Variants in LPAR1 observed in about 807,000 individuals in gnomAD.
LPAR1 encodes the protein LPA receptor 1.
In LPAR1, 5 loss-of-function variants were observed where a neutral mutation model predicts 23.8. That is an observed-to-expected ratio of 0.21 (90% CI 0.11 to 0.44). LPAR1 has a LOEUF of 0.44. LPAR1 is among the 20% of genes least tolerant of loss of function. The pLI is 0.99. For synonymous variants in LPAR1, 160 were observed against 164.7 expected (o/e 0.97, Z 0.22); for missense variants, 311 against 482.8 (o/e 0.64, Z 3.33).
At chr9:110,999,656 A>G (rs1030029651) in intron 2 of LPAR1, among the ~76,000 whole-genome samples, 7 of 152,164 alleles carry the variant, frequency 4.6e-5, no homozygotes, top group Non-Finnish European at 2.9e-5. Context: ...GATCTTCTCA[A>G]TTTAGCCTCA....
At chr9:110,889,128 G>T (rs561482405) in intron 5 of LPAR1, among the ~76,000 whole-genome samples, 2 of 152,264 alleles carry the variant, frequency 1.3e-5, no homozygotes, top group Admixed American at 6.5e-5. Flanking sequence ...TTGGGAGGCC[G>T]AGGCGGGCAG....
chr9:110,931,830 G>T (rs1440711236), intron 5 of LPAR1, among the ~76,000 whole-genome samples: 2 of 152,242 alleles, frequency 1.3e-5, no homozygotes, highest in Non-Finnish European at 2.9e-5. Context: ...TCAGATGGTT[G>T]TAGATATGTG....
chr9:111,021,517 T>C (rs1315994793), intron 2 of LPAR1, among the ~76,000 whole-genome samples: 1 of 152,206 alleles, frequency 6.6e-6, no homozygotes, highest in Non-Finnish European at 1.5e-5. Context: ...AAATGTGGAA[T>C]ATATATAACT....
intron 5 of LPAR1, among the ~76,000 whole-genome samples, chr9:110,915,137 T>C (rs2092934328): frequency 1.3e-5 from 2 of 152,242 alleles, no homozygotes; most frequent in Admixed American, 6.5e-5. Context: ...AGTGTGCTTA[T>C]GATTCATAGT....
intron 2 of LPAR1, among the ~76,000 whole-genome samples, chr9:110,975,034 T>A (rs2096526051): frequency 6.6e-6 from 1 of 152,206 alleles, no homozygotes; most frequent in Non-Finnish European, 1.5e-5. Context: ...ATTCACATTA[T>A]CTTGCTCTAT....
intron 5 of LPAR1, among the ~76,000 whole-genome samples, chr9:110,884,452 A>T (rs2081795448): frequency 6.6e-6 from 1 of 152,174 alleles, no homozygotes; most frequent in Non-Finnish European, 1.5e-5. Flanking sequence ...CTGTCATCAG[A>T]CTATTTTTAC....
intron 4 of LPAR1, among the ~76,000 whole-genome samples, chr9:110,962,894 A>C (rs1222020582): frequency 6.6e-6 from 1 of 152,226 alleles, no homozygotes; most frequent in Non-Finnish European, 1.5e-5. Context: ...AAAAGACAGA[A>C]ATCCCCTGGA....
At chr9:110,944,266 C>T (rs1358080401) in intron 4 of LPAR1, among the ~76,000 whole-genome samples, 3 of 152,122 alleles carry the variant, frequency 2.0e-5, no homozygotes, top group African/African-American at 7.2e-5. Flanking sequence ...CTGTTGATCC[C>T]CTCTACACTA....
intron 2 of LPAR1, among the ~76,000 whole-genome samples, chr9:110,988,017 A>G (rs1486737963): frequency 6.6e-6 from 1 of 152,114 alleles, no homozygotes; most frequent in Non-Finnish European, 1.5e-5. Context: ...AGGAACAAGG[A>G]TAAGAATGAC....
chr9:110,901,177 C>G lies in LPAR1; in HGVS notation c.794-25455G>C, dbSNP rs553919802. The stretch of plus-strand genomic sequence containing the variant: ...GTCTTTAAAAGCTCATTTTTCCCAG[C>G]CTGTGAAGTTAAGCTTGGTGAAGTT... On this transcript the variant is annotated intron_variant, in intron 5 of 5. Transcript: ENST00000683809. 6.6e-5 allele frequency among the ~76,000 whole-genome samples: 10 copies of G among 152,200 alleles called. No homozygotes were observed. The South Asian group carries it at 2.1e-3, about 32-fold the overall frequency.
At chr9:110,897,432 T>C (rs1447240305) in intron 5 of LPAR1, among the ~76,000 whole-genome samples, 1 of 152,192 alleles carries the variant, frequency 6.6e-6, no homozygotes, top group Non-Finnish European at 1.5e-5. Context: ...CCTCTTTCTT[T>C]TGTAAATTGC....
At chr9:110,925,789 T>C (rs768869221) in intron 5 of LPAR1, among the ~76,000 whole-genome samples, 2 of 152,148 alleles carry the variant, frequency 1.3e-5, no homozygotes, top group Admixed American at 6.5e-5. Flanking sequence ...CTTGAACAAA[T>C]CTAATTTTCT....
chr9:110,947,335 A>AT (rs2095418178), intron 4 of LPAR1, among the ~76,000 whole-genome samples: 1 of 152,250 alleles, frequency 6.6e-6, no homozygotes, highest in African/African-American at 2.4e-5. Context: ...AACATAAATA[A>AT]GATAGCATTA....
At chr9:110,938,592 GC>G (rs1564104207) in intron 5 of LPAR1, among the ~76,000 whole-genome samples, 1 of 151,884 alleles carries the variant, frequency 6.6e-6, no homozygotes, top group East Asian at 1.9e-4. Context: ...GGTGGCTTAT[GC>G]CTGCAATCCC....
intron 2 of LPAR1, among the ~76,000 whole-genome samples, chr9:111,011,959 CAG>C (rs2140633859): frequency 1.3e-5 from 2 of 152,262 alleles, no homozygotes; most frequent in South Asian, 2.1e-4. Context: ...GTTAAAAATG[CAG>C]AGTCTCAGCT....
intron 2 of LPAR1, among the ~76,000 whole-genome samples, chr9:110,985,452 G>A (rs1283887196): frequency 4.6e-5 from 7 of 152,130 alleles, no homozygotes; most frequent in African/African-American, 9.6e-5. Flanking sequence ...CAGAGCTAAC[G>A]CATTCCAAGG....
At chr9:110,963,726 C>T (rs1360829256) in intron 4 of LPAR1, among the ~76,000 whole-genome samples, 6 of 152,040 alleles carry the variant, frequency 3.9e-5, no homozygotes, top group Admixed American at 3.9e-4. Flanking sequence ...AACTAACATA[C>T]GTCAGGTATC....
At chr9:110,898,143 G>A (rs1316428737) in intron 5 of LPAR1, among the ~76,000 whole-genome samples, 1 of 152,116 alleles carries the variant, frequency 6.6e-6, no homozygotes, top group African/African-American at 2.4e-5. Flanking sequence ...CTATCCTGAA[G>A]GGTAAAAAGG....
chr9:110,987,713 G>A lies in LPAR1; in HGVS notation c.-181-14155C>T, dbSNP rs933933894. 5.3e-5 allele frequency among the ~76,000 whole-genome samples: 8 copies of A among 151,404 alleles called. No individual in the cohort carries two copies. In the South Asian group the frequency reaches 1.5e-3, roughly 28 times the overall value. ...ATAAAGTTGGCCCTCCATACCTGTG[G>A]GGTTCGCATACCATGAATACTATAT... On this transcript the variant is annotated intron_variant, in intron 2 of 5. Coordinates refer to ENST00000683809, the MANE Select transcript of LPAR1 (RefSeq NM_001351411.2).
Sources: gnomAD v4.1 joint callset for allele counts (sites outside exome capture counted in the v4.1 genomes callset) on GRCh38, gnomAD v4.1.1 for gene constraint, MANE v1.5 for transcripts, NCBI Gene and HGNC (gene_info 2026-07-23, HGNC 2026-07-21) for gene names.